The following KLHL13 variants were observed in gnomAD, a reference collection of about 807,000 sequenced individuals.
KLHL13 encodes the protein kelch like family member 13.
A neutral mutation model predicts 37.1 loss-of-function variants in KLHL13; 10 were observed. The ratio of observed to expected loss-of-function variants is 0.27; its 90% confidence interval spans 0.17 to 0.46. The LOEUF is 0.46. Among genes scored for constraint, KLHL13 ranks in the 20% least tolerant of loss-of-function variants. KLHL13 has a pLI of 1.00. For missense variants in KLHL13, 360 were observed against 509.3 expected, an observed-to-expected ratio of 0.71 and a Z score of 2.82; for synonymous variants, 163 against 181.2, an observed-to-expected ratio of 0.90 and a Z score of 0.81.
chrX:117,969,734 A>T (rs1306945218), intron 1 of KLHL13, among the ~76,000 whole-genome samples: 1 of 111,909 alleles, frequency 8.9e-6, no homozygotes, highest in Non-Finnish European at 1.9e-5. Context: ...ATTTTCCTGA[A>T]TCTTTCGTAT....
At chrX:118,097,981 A>C (rs1602722592) in intron 1 of KLHL13, among the ~76,000 whole-genome samples, 1 of 111,945 alleles carries the variant, frequency 8.9e-6, no homozygotes, top group African/African-American at 3.3e-5. Flanking sequence ...AAACCCTAGA[A>C]GGAAACCTAG....
intron 1 of KLHL13, among the ~76,000 whole-genome samples, chrX:118,103,179 AT>A (rs2055309109): frequency 8.9e-6 from 1 of 111,779 alleles, no homozygotes; most frequent in African/African-American, 3.2e-5. Flanking sequence ...ACTCCAGGTG[AT>A]GTCAACTGTT....
At chrX:118,054,283 T>A (rs1026528061) in intron 1 of KLHL13, among the ~76,000 whole-genome samples, 2 of 111,370 alleles carry the variant, frequency 1.8e-5, no homozygotes, top group African/African-American at 6.5e-5. Context: ...ATCAGAAAGC[T>A]GTTTATCCAA....
chrX:118,026,340 G>T (rs1468910002), intron 1 of KLHL13, among the ~76,000 whole-genome samples: 2 of 111,655 alleles, frequency 1.8e-5, no homozygotes, highest in Non-Finnish European at 3.8e-5. Context: ...AAAAAACTAT[G>T]CATGGATTTC....
chrX:117,973,566 C>T, exon 1 of KLHL13: 1 of 876,457 alleles, frequency 1.1e-6, no homozygotes, highest in Non-Finnish European at 1.4e-6. Flanking sequence ...ATATAAACTG[C>T]TTCAGAACTC....
exon 7 of KLHL13, chrX:117,898,756 G>T (rs775816820): frequency 2.4e-5 from 15 of 621,851 alleles, no homozygotes; most frequent in Non-Finnish European, 3.6e-5. Context: ...CAAACAAAGA[G>T]CACAAATAAC....
chrX:117,937,462 A>G (rs73595649), intron 2 of KLHL13, among the ~76,000 whole-genome samples: 2,986 of 111,685 alleles, frequency 0.027, 99 homozygotes, highest in African/African-American at 0.092. Flanking sequence ...GGCATGGCAG[A>G]GCTAAGGGCT....
intron 1 of KLHL13, among the ~76,000 whole-genome samples, chrX:118,014,181 A>G (rs2054101335): frequency 8.9e-6 from 1 of 112,009 alleles, no homozygotes; most frequent in African/African-American, 3.2e-5. Flanking sequence ...CTTCTTGCAG[A>G]GAGCCTATAG....
At position 118,034,034 on chromosome X, in the gene KLHL13, G is replaced by T. The variant is rs1279071966; in HGVS notation, c.-56+82474C>A. 2.9e-5 allele frequency among the ~76,000 whole-genome samples: 3 copies of T among 102,438 alleles called. No homozygotes were observed. In the South Asian group the frequency reaches 1.4e-3, roughly 47 times the overall value. 89.0% of individuals were successfully genotyped at this position (102,438 alleles called of 115,157 possible). On this transcript the variant is annotated intron_variant, in intron 1 of 6. Transcript: ENST00000371882. ...GGTAAAGGGATCAATTCAACAAGAA[G>T]AGCTAACTCTCCTAAATATATATGC...
At chrX:118,074,257 T>C (rs1046695474) in intron 1 of KLHL13, among the ~76,000 whole-genome samples, 2 of 111,933 alleles carry the variant, frequency 1.8e-5, no homozygotes, top group East Asian at 5.6e-4. Context: ...CATAAATCTG[T>C]CAGCCCTTGT....
intron 1 of KLHL13, among the ~76,000 whole-genome samples, chrX:117,990,355 G>C (rs1395292916): frequency 9.0e-6 from 1 of 111,303 alleles, no homozygotes; most frequent in African/African-American, 3.3e-5. Flanking sequence ...ATAAGGAAGG[G>C]AAATGTCAGT....
intron 1 of KLHL13, among the ~76,000 whole-genome samples, chrX:118,038,152 T>C (rs1439309355): frequency 8.9e-6 from 1 of 112,170 alleles, no homozygotes; most frequent in Non-Finnish European, 1.9e-5. Context: ...AGATTGGAAC[T>C]AGAAGTGTCA....
exon 7 of KLHL13, chrX:117,898,869 C>A (rs763684779): frequency 5.2e-6 from 6 of 1,154,120 alleles, no homozygotes; most frequent in Admixed American, 2.6e-5. Context: ...TGACACATTG[C>A]AAAGATAGAA....
At position 117,919,591 on chromosome X, in the gene KLHL13, G is replaced by A. The variant is rs758935613; in HGVS notation, c.500C>T (p.Thr167Met). 10 of 1,207,615 alleles carry A rather than the reference G, an allele frequency of 8.3e-6. No homozygotes were observed. The East Asian group carries it at 8.9e-5, about 11-fold the overall frequency. The change falls in exon 4 of 7, where the codon ACG becomes ATG. Residue 167 changes from threonine to methionine, a missense_variant. By Grantham distance (81) the Thr-to-Met change is moderately conservative (BLOSUM62 -1). Around this residue, in one of 2 missense-constraint regions of KLHL13, gnomAD observed 194 missense variants for 225.0 expected, o/e 0.86. Transcript: ENST00000262820. ...CTGTAGGAAACTGGCAGCTTCCAGC[G>A]TGTCTTGAAGGTTGTCCATATTAAG...
intron 1 of KLHL13, among the ~76,000 whole-genome samples, chrX:118,095,800 A>C (rs1007528355): frequency 8.9e-6 from 1 of 112,326 alleles, no homozygotes; most frequent in African/African-American, 3.2e-5. Flanking sequence ...TACTGGGTAC[A>C]TAATGAAATG....
chrX:117,938,902 T>G (rs747803777), intron 2 of KLHL13, among the ~76,000 whole-genome samples: 7 of 110,903 alleles, frequency 6.3e-5, no homozygotes, highest in African/African-American at 2.3e-4. Flanking sequence ...CAAACAAAAA[T>G]AGCCGAAGAC....
intron 1 of KLHL13, among the ~76,000 whole-genome samples, chrX:118,090,417 C>A (rs2055117502): frequency 9.0e-6 from 1 of 111,579 alleles, no homozygotes; most frequent in Non-Finnish European, 1.9e-5. Context: ...TGAACTCAAA[C>A]TAATTTCCAA....
chrX:118,002,041 AG>A (rs1232078177), intron 1 of KLHL13, among the ~76,000 whole-genome samples: 4 of 111,326 alleles, frequency 3.6e-5, no homozygotes, highest in African/African-American at 1.3e-4. Context: ...TAATGAATCA[AG>A]TGCGGTAACA....
chrX:118,074,384 G>T (rs1431075716), intron 1 of KLHL13, among the ~76,000 whole-genome samples: 2 of 111,585 alleles, frequency 1.8e-5, no homozygotes, highest in Non-Finnish European at 3.8e-5. Flanking sequence ...AAATTTGTTG[G>T]CCTCATCCTG....
Sources: gnomAD v4.1 joint callset for allele counts (sites outside exome capture counted in the v4.1 genomes callset) on GRCh38, gnomAD v4.1.1 for gene constraint, gnomAD v4.1.1 regional missense constraint, MANE v1.5 for transcripts, NCBI Gene and HGNC (gene_info 2026-07-23, HGNC 2026-07-21) for gene names.